KMT2E: variants seen among roughly 807,000 people sequenced by gnomAD.
KMT2E encodes the protein histone reader KMT2E.
A neutral mutation model predicts 184.6 loss-of-function variants in KMT2E; 30 were observed. The ratio of observed to expected loss-of-function variants is 0.16; its 90% CI spans 0.12 to 0.22. The LOEUF (loss-of-function observed/expected upper bound fraction) is 0.22. KMT2E is among the 10% of genes least tolerant of loss of function. KMT2E has a pLI of 1.00. For missense variants in KMT2E, 2,023 were observed against 2,237.4 expected (o/e 0.90, Z 1.93); for synonymous variants, 815 against 776.5 (o/e 1.05, Z -0.82).
chr7:105,077,085 G>C lies in KMT2E; in HGVS notation c.891G>C (p.Gln297His), dbSNP rs1797560641. ...ACAACCAGTACAGTGAGGGTGTTCAGAGGGAGGCACAAAGAATAGCTCTGA... is the reference window on the plus strand; with the variant it reads ...ACAACCAGTACAGTGAGGGTGTTCACAGGGAGGCACAAAGAATAGCTCTGA... ...ANNNQYSEGV[Q>H]REAQRIALRL... Residue 297 changes from glutamine to histidine, a missense_variant, in exon 10 of 27, where the codon CAG becomes CAC. By Grantham distance (24) the Gln-to-His change is conservative. Around this residue, in one of 8 missense-constraint regions of KMT2E, gnomAD observed 191 missense variants for 209.0 expected, o/e 0.91. Coordinates refer to ENST00000311117, the MANE Select transcript of KMT2E (RefSeq NM_182931.3). The C allele has an allele frequency of 6.2e-7, 1 of 1,614,006 alleles. No homozygotes were observed. Among genetic ancestry groups the C allele is most frequent in the Non-Finnish European group, 8.5e-7 (1 of 1,179,954 alleles).
Position 105,110,468 on chromosome 7 carries a change from CATCT to C in KMT2E, c.3845-8_3845-5del. The C allele has an allele frequency of 6.2e-7, 1 of 1,614,138 alleles. No homozygotes were observed. The highest frequency in any genetic ancestry group is 8.5e-7 in the Non-Finnish European group (1 of 1,180,012). The stretch of plus-strand genomic sequence containing the variant: ...TGTTCTCTTTGGGTCTGCTCTGCTT[CATCT>C]CTAGGGGGAGAATCACCATGTGTCT... On this transcript the variant is annotated splice_polypyrimidine_tract_variant and splice_region_variant and intron_variant, in intron 24 of 26. Coordinates refer to ENST00000311117, the MANE Select transcript of KMT2E (RefSeq NM_182931.3).
chr7:105,101,690 G>A (rs1798662175), intron 16 of KMT2E, 101 bp downstream of exon 16: 2 of 1,078,870 alleles, frequency 1.9e-6, no homozygotes, highest in Admixed American at 3.5e-5. Context: ...ATGTCTATTA[G>A]CTTTTTAATA....
At chr7:105,033,399 T>C (rs1368887069) in intron 1 of KMT2E, among the ~76,000 whole-genome samples, 1 of 152,272 alleles carries the variant, frequency 6.6e-6, no homozygotes, top group Non-Finnish European at 1.5e-5. Context: ...TTTTACCCAG[T>C]GTCTTAGTCC....
At chr7:105,036,735 A>G (rs1192113765) in intron 1 of KMT2E, among the ~76,000 whole-genome samples, 3 of 152,244 alleles carry the variant, frequency 2.0e-5, no homozygotes, top group Non-Finnish European at 4.4e-5. Flanking sequence ...CTTCTAGAGC[A>G]CTATCTGGTA....
chr7:105,059,969 C>CTTGTTG (rs1333197337), intron 3 of KMT2E, among the ~76,000 whole-genome samples: 126 of 65,730 alleles, frequency 1.9e-3, no homozygotes, highest in African/African-American at 5.2e-3. Context: ...TATTGATTTT[C>CTTGTTG]TTGTTGTTGT....
In KMT2E at chr7:105,105,437, A is replaced by T. The variant is rs1271203619; in HGVS notation, c.2197-2A>T. The T allele has an allele frequency of 1.3e-6, 2 of 1,571,658 alleles. No homozygotes were observed. The highest frequency in any genetic ancestry group is 4.1e-5 in the Admixed American group (2 of 48,414). On this transcript the variant is annotated splice_acceptor_variant, in intron 17 of 26. Coordinates refer to ENST00000311117, the MANE Select transcript of KMT2E (RefSeq NM_182931.3). LOFTEE classifies it high-confidence loss of function. ...ATGATCCAATTTTTTTCTTTTCTCT[A>T]GCACTTGGTTAATGAATGGTTAAGT...
At position 105,102,004 on chromosome 7, in the gene KMT2E, G is replaced by C; in HGVS notation, c.2006G>C (p.Arg669Thr). Residue 669 changes from arginine (R) to threonine (T), a missense_variant, in exon 17 of 27, where the codon AGA becomes ACA. Arg to Thr is a moderately conservative substitution (Grantham distance 71). Transcript: ENST00000311117. ...THIGQQRRRH[R>T]TVSMCSDIQP... ...ATTGGACAGCAGCGTCGGAGACACA[G>C]AACTGTCAGCATGTGTTCAGATATC... The C allele has an allele frequency of 6.2e-7, 1 of 1,613,864 alleles. No individual in the cohort carries two copies. Among genetic ancestry groups the C allele is most frequent in the Non-Finnish European group, 8.5e-7 (1 of 1,179,854 alleles).
intron 15 of KMT2E, among the ~76,000 whole-genome samples, chr7:105,097,748 C>G (rs1219905825): frequency 6.6e-6 from 1 of 152,156 alleles, no homozygotes; most frequent in African/African-American, 2.4e-5. Flanking sequence ...TAACTGCCTT[C>G]TAATAAATTC....
rs762924218 is a variant in KMT2E, at chr7:105,112,419, T to C, written c.4663T>C (p.Ser1555Pro). 1 of 1,611,510 alleles carries C rather than the reference T, an allele frequency of 6.2e-7. No individual in the cohort carries two copies. The highest frequency in any genetic ancestry group is 8.5e-7 in the Non-Finnish European group (1 of 1,179,084). The change falls in exon 27 of 27, where the codon TCT (serine) becomes CCT (proline). Residue 1555 changes from serine (S) to proline (P), a missense_variant. Transcript: ENST00000311117. ...TCCACCTCCTCCACCTCCTTCTTCG[T>C]CTTACTATCAAAACCAGCAGCCCTC... ...PPPPPPPPSSSYYQNQQPSAN... is the reference protein window; with the variant it reads ...PPPPPPPPSSPYYQNQQPSAN...
chr7:105,106,009 ATT>A lies in KMT2E; in HGVS notation c.2596+14_2596+15del, dbSNP rs758362004. The A allele has an allele frequency of 6.3e-7, 1 of 1,587,206 alleles. No individual in the cohort carries two copies. The highest frequency in any genetic ancestry group is 8.6e-7 in the Non-Finnish European group (1 of 1,168,414). On this transcript the variant is annotated splice_region_variant and intron_variant, in intron 19 of 26. Transcript: ENST00000311117. ...TGACAGCTGTTCCCTTCCAGGTAGA[ATT>A]TTTTTTTCAGAGTTTTGGTTTGAGA...
intron 6 of KMT2E, among the ~76,000 whole-genome samples, chr7:105,072,804 A>T (rs968460933): frequency 6.6e-6 from 1 of 152,116 alleles, no homozygotes; most frequent in East Asian, 1.9e-4. Flanking sequence ...AACCCCAGCT[A>T]CTTGGGAGGC....
intron 19 of KMT2E, 132 bp from the exon 20 acceptor site, chr7:105,106,390 C>T (rs1798898572): frequency 7.1e-6 from 6 of 841,918 alleles, no homozygotes; most frequent in Admixed American, 2.7e-5. Context: ...TTTTTAAAAC[C>T]GTGAAATTCA....
intron 1 of KMT2E, among the ~76,000 whole-genome samples, chr7:105,014,966 C>A (rs1223901537): frequency 6.6e-6 from 1 of 152,266 alleles, no homozygotes; most frequent in African/African-American, 2.4e-5. Context: ...ATATAGGCCC[C>A]ATTTTCTTCT....
rs757188064 is a variant in KMT2E, at chr7:105,113,938, A to ACAAGT, written c.*607_*611dup. 5 of 153,630 alleles carry ACAAGT rather than the reference A, an allele frequency of 3.3e-5. No individual in the cohort carries two copies. Among genetic ancestry groups the ACAAGT allele is most frequent in the Non-Finnish European group, 4.4e-5 (3 of 68,236 alleles). The allele number at this position is 153,630 out of a possible 1,614,324, so 9.5% of individuals were successfully genotyped here. ...TTTGATATATAGCATTGTACATATG[A>ACAAGT]CAAGTCTTTTGCAAAACTGTGTGAT... On this transcript the variant is annotated 3_prime_UTR_variant, in exon 27 of 27. Coordinates refer to ENST00000311117, the MANE Select transcript of KMT2E (RefSeq NM_182931.3).
intron 17 of KMT2E, chr7:105,102,414 T>A: frequency 2.5e-6 from 1 of 393,488 alleles, no homozygotes; most frequent in East Asian, 5.1e-5. Context: ...TCAGGACTTT[T>A]ATGGTATTGC....
At chr7:105,043,748 C>T (rs1035998902) in intron 3 of KMT2E, among the ~76,000 whole-genome samples, 2 of 152,140 alleles carry the variant, frequency 1.3e-5, no homozygotes, top group Non-Finnish European at 1.5e-5. Flanking sequence ...TTTAGAATTA[C>T]AACACATTTG....
At position 105,093,105 on chromosome 7, in the gene KMT2E, G is replaced by A. The variant is rs529911358; in HGVS notation, c.1722+1791G>A. On this transcript the variant is annotated intron_variant, in intron 15 of 26. Transcript: ENST00000311117. ...AGCTATTCAGGGTGCTGAAGCGGGA[G>A]GATCACTTGAGTCTAGGAGGTCAAG... 8.5e-5 allele frequency among the ~76,000 whole-genome samples: 13 copies of A among 152,246 alleles called. No homozygotes were observed. In the South Asian group the frequency reaches 2.1e-3, roughly 24 times the overall value.
At chr7:105,056,537 G>A (rs1483165879) in intron 3 of KMT2E, among the ~76,000 whole-genome samples, 2 of 152,098 alleles carry the variant, frequency 1.3e-5, no homozygotes, top group African/African-American at 4.8e-5. Context: ...CAGCATTACT[G>A]GGTTTTTCCT....
Position 105,078,940 on chromosome 7 carries a change from C to A in KMT2E, c.1225C>A (p.Arg409=). The A allele has an allele frequency of 1.2e-6, 2 of 1,603,226 alleles. No individual in the cohort carries two copies. The highest frequency in any genetic ancestry group is 1.3e-5 in the African/African-American group (1 of 74,632). Residue 409 remains arginine (R), a synonymous_variant, in exon 12 of 27, where the codon CGG becomes AGG. Coordinates refer to ENST00000311117, the MANE Select transcript of KMT2E (RefSeq NM_182931.3). ...TGGGAATGAGGCTCGATTCATCAGG[C>A]GGTCTTGTACACCCAATGCAGAGGT... The part of the protein sequence containing the change: ...TFGNEARFIR[R]SCTPNAEVRH...
Sources: gnomAD v4.1 joint callset for allele counts (sites outside exome capture counted in the v4.1 genomes callset) on GRCh38, gnomAD v4.1.1 for gene constraint, gnomAD v4.1.1 regional missense constraint, MANE v1.5 for transcripts, NCBI Gene and HGNC (gene_info 2026-07-23, HGNC 2026-07-21) for gene names.